Variants in MUC22 observed in about 807,000 individuals in gnomAD.
MUC22 encodes the protein mucin 22, also known as mucin-22.
Under a neutral mutation model 40.3 loss-of-function variants are expected in MUC22, and 24 were observed. That is an observed-to-expected ratio of 0.60 (90% confidence interval 0.43 to 0.84). The LOEUF (loss-of-function observed/expected upper bound fraction) is 0.84, where lower values mean the gene tolerates loss of function less well. Ranked by LOEUF, MUC22 falls within the 40% of genes least tolerant of loss-of-function variation. MUC22 has a pLI of 0.00. For missense variants in MUC22, 1,926 were observed against 2,130.7 expected, an observed-to-expected ratio of 0.90 and a Z score of 1.89; for synonymous variants, 765 against 844.5, an observed-to-expected ratio of 0.91 and a Z score of 1.63.
At chr6:31,008,024 CA>C (rs1464904609), upstream of MUC22, among the ~76,000 whole-genome samples, 1 of 152,224 alleles carries the variant, frequency 6.6e-6, no homozygotes, top group African/African-American at 2.4e-5. Flanking sequence ...TACTTTCTAA[CA>C]GTGACAGCTC....
chr6:31,012,905 T>G (rs1304491903), intron 1 of MUC22, among the ~76,000 whole-genome samples: 1 of 152,086 alleles, frequency 6.6e-6, no homozygotes, highest in East Asian at 1.9e-4. Flanking sequence ...CAGTTCTGTA[T>G]GCACAAGTAT....
At position 31,027,193 on chromosome 6, in the gene MUC22, G is replaced by A. The variant is rs1162022134; in HGVS notation, c.1762G>A (p.Ala588Thr). ...TGCTGCAGGCTCTGAGACAATCAGA[G>A]CCTCTACCGTAGGCTCTGAGACCAC... The change falls in exon 2 of 4, where the codon GCC becomes ACC. Residue 588 changes from alanine to threonine, a missense_variant. This residue lies in a region of MUC22 where 1,281 missense variants were observed against 1,337.8 expected (regional missense o/e 0.96). Transcript: ENST00000561890. 7 of 1,501,702 alleles carry A rather than the reference G, an allele frequency of 4.7e-6. No homozygotes were observed. The highest frequency in any genetic ancestry group is 1.4e-5 in the African/African-American group (1 of 71,596). 93.0% of individuals were successfully genotyped at this position (1,501,702 alleles called of 1,614,324 possible).
Position 31,032,674 on chromosome 6 carries a change from G to C in MUC22, c.5055+93G>C. On this transcript the variant is annotated intron_variant, in intron 3 of 3. Coordinates refer to ENST00000561890, the Ensembl canonical transcript of MUC22. This position sits in a 1 kb window ranked among gnomAD's most constrained non-coding sequence, Gnocchi z 4.1. ...CTTTGGAAAAATCCAGAATGAGAAAGGGGAGTAAGTTGGTGCGCTCAGAAG... is the reference window on the plus strand; with the variant it reads ...CTTTGGAAAAATCCAGAATGAGAAACGGGAGTAAGTTGGTGCGCTCAGAAG... 7.4e-7 allele frequency: 1 copy of C among 1,359,534 alleles called. No individual in the cohort carries two copies. Among genetic ancestry groups the C allele is most frequent in the Non-Finnish European group, 9.8e-7 (1 of 1,017,286 alleles). The allele number at this position is 1,359,534 out of a possible 1,614,324, so 84.2% of individuals were successfully genotyped here. A position where few individuals can be genotyped will look rare whatever the true frequency, so the allele number is the denominator to read the frequency against.
intron 1 of MUC22, among the ~76,000 whole-genome samples, chr6:31,018,895 TCTC>T (rs1346586781): frequency 2.0e-5 from 3 of 152,234 alleles, no homozygotes; most frequent in East Asian, 3.8e-4. Context: ...TTCATTTGCG[TCTC>T]CTCCTCTATC....
rs1482124850 is a variant in MUC22 at position 31,032,493 on chromosome 6, G to C, written c.4967G>C (p.Gly1656Ala). The C allele has an allele frequency of 5.2e-6, 8 of 1,535,716 alleles. No individual in the cohort carries two copies. Among genetic ancestry groups the C allele is most frequent in the Non-Finnish European group, 6.1e-6 (7 of 1,146,910 alleles). ...CCCACAAACGTGATCAAACCAAGTGGATATTTACAGCCCTGGGCTATCATC... is the reference window on the plus strand; with the variant it reads ...CCCACAAACGTGATCAAACCAAGTGCATATTTACAGCCCTGGGCTATCATC... The change falls in exon 3 of 4, where the codon GGA becomes GCA. Residue 1656 changes from glycine to alanine, a missense_variant. Physicochemically the swap from Gly to Ala is moderately conservative, Grantham distance 60. Coordinates refer to ENST00000561890, the Ensembl canonical transcript of MUC22. The surrounding 1 kb of genome is among the most constrained non-coding windows in gnomAD (Gnocchi z 4.1).
intron 1 of MUC22, among the ~76,000 whole-genome samples, chr6:31,014,292 T>C (rs1764049025): frequency 6.6e-6 from 1 of 151,318 alleles, no homozygotes; most frequent in Non-Finnish European, 1.5e-5. Flanking sequence ...CCACCAGAAG[T>C]ATCCCTGTCT....
Position 31,021,312 on chromosome 6 carries a change from G to A in MUC22, c.71-4190G>A, listed in dbSNP as rs571978008. 2.7e-5 allele frequency among the ~76,000 whole-genome samples: 4 copies of A among 149,766 alleles called. No individual in the cohort carries two copies. In the East Asian group the frequency reaches 7.7e-4, roughly 29 times the overall value. On this transcript the variant is annotated intron_variant, in intron 1 of 3. Coordinates refer to ENST00000561890, the Ensembl canonical transcript of MUC22. The stretch of plus-strand genomic sequence containing the variant: ...GGACACTCTGTATCTAGCTGCTCTG[G>A]TAGGGCCTTGGAGAACCTTTATGTC...
chr6:31,010,184 C>A (rs1340576256), upstream of MUC22, among the ~76,000 whole-genome samples: 1 of 152,152 alleles, frequency 6.6e-6, no homozygotes, highest in African/African-American at 2.4e-5. Flanking sequence ...ATGAGGCATA[C>A]CCAGGGAAAA....
chr6:31,030,360 A>G (rs1233055489), intron 2 of MUC22, among the ~76,000 whole-genome samples: 2 of 152,112 alleles, frequency 1.3e-5, no homozygotes, highest in Non-Finnish European at 2.9e-5. Flanking sequence ...TACTAAAAAT[A>G]CAAAAAATTA....
chr6:31,018,449 T>A (rs1423274607), intron 1 of MUC22, among the ~76,000 whole-genome samples: 1 of 152,216 alleles, frequency 6.6e-6, no homozygotes. Flanking sequence ...TCACCCCCAA[T>A]GGAGGCCTGT....
At chr6:31,034,946 A>G (rs980693847) in exon 4 of MUC22, 2 of 1,533,288 alleles carry the variant, frequency 1.3e-6, no homozygotes, top group Non-Finnish European at 1.7e-6. Context: ...TGAGGACACC[A>G]TGGAGTGGAT....
At chr6:31,025,413 G>T in intron 1 of MUC22, 89 bp from the exon 2 acceptor site, 1 of 1,339,138 alleles carries the variant, frequency 7.5e-7, no homozygotes, top group Non-Finnish European at 9.9e-7. Flanking sequence ...TGAATAAGAA[G>T]TACTGAGTAT....
chr6:31,008,195 A>T (rs1189880661), upstream of MUC22, among the ~76,000 whole-genome samples: 1 of 152,246 alleles, frequency 6.6e-6, no homozygotes, highest in South Asian at 2.1e-4. Context: ...TCCTGACTCC[A>T]TCACTTACTA....
At chr6:31,010,882 T>G in intron 1 of MUC22, 106 bp downstream of exon 1, 1 of 600,414 alleles carries the variant, frequency 1.7e-6, no homozygotes, top group Non-Finnish European at 2.9e-6. Flanking sequence ...CCAGAAACAA[T>G]GATGATTCAT....
At chr6:31,025,703 C>G in exon 2 of MUC22, 1 of 1,531,008 alleles carries the variant, frequency 6.5e-7, no homozygotes, top group South Asian at 1.2e-5. Flanking sequence ...ACCACAGGCT[C>G]TGAGACCAAC....
chr6:31,029,996 C>T (rs1480681300), exon 2 of MUC22: 13 of 1,535,784 alleles, frequency 8.5e-6, no homozygotes, highest in Middle Eastern at 3.3e-4. Flanking sequence ...TCTATCACAG[C>T]TTCTGGGGCC....
At chr6:31,009,753 G>A (rs908142266), upstream of MUC22, among the ~76,000 whole-genome samples, 1 of 152,180 alleles carries the variant, frequency 6.6e-6, no homozygotes, top group Non-Finnish European at 1.5e-5. Context: ...TGAATTACAC[G>A]GGGTAAATTT....
Position 31,028,991 on chromosome 6 carries a change from CAGCCTCTACTG to C in MUC22, c.3562_3572del (p.Ala1188ArgfsTer3). 6.5e-7 allele frequency: 1 copy of C among 1,533,750 alleles called. No individual in the cohort carries two copies. Among genetic ancestry groups the C allele is most frequent in the Middle Eastern group, 1.7e-4 (1 of 5,978 alleles). On this transcript the variant is annotated frameshift_variant, in exon 2 of 4. Coordinates refer to ENST00000561890, the Ensembl canonical transcript of MUC22. LOFTEE classifies it high-confidence loss of function. The stretch of plus-strand genomic sequence containing the variant: ...TCTACTGAAGGCTCTGAGACCACCA[CAGCCTCTACTG>C]AAGGCTCTGAGCTCACTACAGTTTC...
At chr6:31,021,448 AAC>A (rs1562589659) in intron 1 of MUC22, among the ~76,000 whole-genome samples, 1 of 130,352 alleles carries the variant, frequency 7.7e-6, no homozygotes, top group African/African-American at 2.8e-5. Flanking sequence ...TGCACCAATC[AAC>A]ACTCTGTATC....
Sources: allele counts gnomAD v4.1 joint callset (sites outside exome capture counted in the v4.1 genomes callset), GRCh38; gene constraint gnomAD v4.1.1; regional missense constraint gnomAD v4.1.1; non-coding constraint Gnocchi (gnomAD v3.1); transcripts MANE v1.5; gene names NCBI Gene and HGNC (gene_info 2026-07-23, HGNC 2026-07-21).